SBF2: variants seen among roughly 807,000 people sequenced by gnomAD.
SBF2 encodes the protein SET binding factor 2.
SBF2 carries 112 observed loss-of-function variants against 225.2 expected under a neutral mutation model. The observed-to-expected ratio is 0.50, with a 90% confidence interval of 0.43 to 0.58. The LOEUF is 0.58. Ranked by LOEUF, SBF2 falls within the 20% of genes least tolerant of loss-of-function variation. The pLI is 0.00. For synonymous variants in SBF2, 763 were observed against 773.3 expected (o/e 0.99, Z 0.22); for missense variants, 1,996 against 2,206.2 (o/e 0.90, Z 1.91).
At chr11:9,981,340 C>T (rs1324627589) in intron 13 of SBF2, among the ~76,000 whole-genome samples, 1 of 152,050 alleles carries the variant, frequency 6.6e-6, no homozygotes, top group African/African-American at 2.4e-5. Context: ...TGAAAAGTGA[C>T]TACTGGGTAC....
chr11:9,948,308 G>C (rs1381266965), intron 16 of SBF2, among the ~76,000 whole-genome samples: 1 of 151,930 alleles, frequency 6.6e-6, no homozygotes, highest in Non-Finnish European at 1.5e-5. Flanking sequence ...GTTTCAGTTT[G>C]GGAAGATGGA....
At chr11:10,176,801 A>T (rs1479852380) in intron 2 of SBF2, among the ~76,000 whole-genome samples, 1 of 152,212 alleles carries the variant, frequency 6.6e-6, no homozygotes, top group Non-Finnish European at 1.5e-5. Context: ...AAACTATTCC[A>T]ATCAATAGAA....
chr11:9,993,924 C>T lies in SBF2; in HGVS notation c.1050G>A (p.Met350Ile), dbSNP rs1947549366. The change falls in exon 10 of 40, where the codon ATG becomes ATA. Residue 350 changes from methionine (M) to isoleucine (I), a missense_variant. Met to Ile is a conservative substitution (Grantham distance 10). Transcript: ENST00000256190. ...PPRTALSHSK[M>I]LDKEVRAVFL... ...ATTTAAATATTAAACTTCTTACCAG[C>T]ATTTTTGAGTGGGATAAAGCTGTTC... 2 of 1,360,396 alleles carry T rather than the reference C, an allele frequency of 1.5e-6. No homozygotes were observed. Among genetic ancestry groups the T allele is most frequent in the Non-Finnish European group, 2.1e-6 (2 of 948,756 alleles). The allele number at this position is 1,360,396 out of a possible 1,614,324, so 84.3% of individuals were successfully genotyped here.
chr11:10,139,347 G>A (rs144214498), intron 2 of SBF2, among the ~76,000 whole-genome samples: 13 of 152,158 alleles, frequency 8.5e-5, no homozygotes, highest in South Asian at 6.2e-4. Flanking sequence ...TTAGATCACC[G>A]CCATCCAAAA....
chr11:9,839,260 A>G (rs868431453), intron 26 of SBF2: 16 of 521,274 alleles, frequency 3.1e-5, no homozygotes, highest in Middle Eastern at 5.2e-4. Flanking sequence ...GAGAAAGACA[A>G]GAGAAATTCA....
intron 39 of SBF2, 96 bp from the exon 40 acceptor site, chr11:9,780,612 C>CT (rs1163278356): frequency 3.7e-5 from 34 of 926,090 alleles, no homozygotes; most frequent in Non-Finnish European, 8.8e-6. Flanking sequence ...CTTTCTTTTC[C>CT]ATACTGCCCC....
At position 10,094,528 on chromosome 11, in the gene SBF2, ATTTT is replaced by A. The variant is rs60485793; in HGVS notation, c.142-51551_142-51548del. ...TTTTCCCTACTACAAATACACACAGATTTTTTTTTTTTTTTTTTGAGACAGAGTT... is the reference window on the plus strand; with the variant it reads ...TTTTCCCTACTACAAATACACACAGATTTTTTTTTTTTTTGAGACAGAGTT... On this transcript the variant is annotated intron_variant, in intron 2 of 39. Transcript: ENST00000256190. 6.5e-5 allele frequency among the ~76,000 whole-genome samples: 7 copies of A among 107,300 alleles called. 1 individual carries two copies. Among genetic ancestry groups the A allele is most frequent in the African/African-American group, 2.3e-4 (7 of 30,292 alleles). The allele number at this position is 107,300 out of a possible 152,430, so 70.4% of individuals were successfully genotyped here.
In SBF2 at chr11:9,842,748, T is replaced by C. The variant is rs769055792; in HGVS notation, c.3133A>G (p.Lys1045Glu). Residue 1045 changes from lysine to glutamate, a missense_variant, in exon 25 of 40, where the codon AAA becomes GAA. Lys to Glu is a moderately conservative substitution (Grantham distance 56). Transcript: ENST00000256190. ...ATTTTCCCTGCCCTTTTGGCACCTT[T>C]CACAATTGTTTTTGAGAAGGTACTA... ...SFRTFSKTIV[K>E]GAKRAGKMTI... 2 of 1,614,154 alleles carry C rather than the reference T, an allele frequency of 1.2e-6. No homozygotes were observed. Among genetic ancestry groups the C allele is most frequent in the Non-Finnish European group, 8.5e-7 (1 of 1,180,014 alleles).
In SBF2 at chr11:9,812,576, C is replaced by G. The variant is rs149501654; in HGVS notation, c.4111G>C (p.Val1371Leu). Residue 1371 changes from valine (V) to leucine (L), a missense_variant, in exon 30 of 40, where the codon GTG (valine) becomes CTG (leucine). Physicochemically the swap from Val to Leu is conservative, Grantham distance 32. Coordinates refer to ENST00000256190, the MANE Select transcript of SBF2 (RefSeq NM_030962.4). ...IPSTIPTDSE[V>L]TFLKALGDSE... ...TCTCCCAGCGCTTTCAGGAAGGTCA[C>G]TTCTGAGTCAGTAGGGATGGTGCTT... 1.2e-4 allele frequency: 196 copies of G among 1,614,220 alleles called. 1 individual carries two copies. The African/African-American group carries it at 2.3e-3, about 19-fold the overall frequency.
intron 16 of SBF2, among the ~76,000 whole-genome samples, chr11:9,945,165 C>T (rs555413379): frequency 3.3e-5 from 5 of 152,058 alleles, no homozygotes; most frequent in South Asian, 2.1e-4. Flanking sequence ...CAAACAAAGC[C>T]GGAGGCATCA....
chr11:9,944,290 AAG>A (rs1865444162), intron 16 of SBF2, among the ~76,000 whole-genome samples: 1 of 152,212 alleles, frequency 6.6e-6, no homozygotes, highest in Admixed American at 6.5e-5. Context: ...TATAGCTCTG[AAG>A]GACTTCAATG....
intron 2 of SBF2, among the ~76,000 whole-genome samples, chr11:10,067,909 G>T (rs1333218417): frequency 6.6e-6 from 1 of 151,998 alleles, no homozygotes; most frequent in Non-Finnish European, 1.5e-5. Context: ...AAAAAGAAAT[G>T]CAAACAGACA....
chr11:9,994,793 T>G (rs557098342), intron 9 of SBF2, among the ~76,000 whole-genome samples: 229 of 152,118 alleles, frequency 1.5e-3, no homozygotes, highest in African/African-American at 5.2e-3. Flanking sequence ...TCCCAACACT[T>G]TGGGAGGGCA....
intron 2 of SBF2, among the ~76,000 whole-genome samples, chr11:10,077,673 C>T (rs531782668): frequency 6.6e-6 from 1 of 152,162 alleles, no homozygotes; most frequent in Non-Finnish European, 1.5e-5. Context: ...AGACATAAAA[C>T]CATTAAAAAT....
chr11:10,266,501 A>T (rs1962008231), intron 1 of SBF2, among the ~76,000 whole-genome samples: 1 of 152,216 alleles, frequency 6.6e-6, no homozygotes, highest in Admixed American at 6.5e-5. Context: ...CATTCTGAGT[A>T]TGAAGTTGAA....
chr11:9,952,557 C>G (rs12279495), intron 16 of SBF2, among the ~76,000 whole-genome samples: 2,565 of 152,304 alleles, frequency 0.017, 54 homozygotes, highest in African/African-American at 0.05. Context: ...GATCACTCAT[C>G]TATCAGCTTT....
At chr11:10,111,353 C>A (rs964789247) in intron 2 of SBF2, among the ~76,000 whole-genome samples, 3 of 152,044 alleles carry the variant, frequency 2.0e-5, no homozygotes, top group Non-Finnish European at 2.9e-5. Flanking sequence ...GAAATAAATG[C>A]GAAGTAGTCG....
Position 9,832,220 on chromosome 11 carries a change from T to C in SBF2, c.3652+4A>G. 6.2e-7 allele frequency: 1 copy of C among 1,613,270 alleles called. No individual in the cohort carries two copies. The highest frequency in any genetic ancestry group is 8.5e-7 in the Non-Finnish European group (1 of 1,179,200). Reference sequence around the variant, plus strand: ...TGGTAATTGTGTTATAGAGAGATGCTTACCGGCCTGAGGGGAGTTCTGAGA... The same window carrying C: ...TGGTAATTGTGTTATAGAGAGATGCCTACCGGCCTGAGGGGAGTTCTGAGA... On this transcript the variant is annotated splice_donor_region_variant and intron_variant, in intron 27 of 39. Coordinates refer to ENST00000256190, the MANE Select transcript of SBF2 (RefSeq NM_030962.4).
At position 9,943,994 on chromosome 11, in the gene SBF2, C is replaced by T. The variant is rs546602221; in HGVS notation, c.1860+17963G>A. Among the ~76,000 whole-genome samples, 8 of 152,212 alleles carry T rather than the reference C, an allele frequency of 5.3e-5. No homozygotes were observed. In the East Asian group the frequency reaches 1.5e-3, roughly 29 times the overall value. ...TTCATTGCCAGGGCAATGAAATATC[C>T]TTCAATAGCAGAATGGGCTTAAACA... On this transcript the variant is annotated intron_variant, in intron 16 of 39. Coordinates refer to ENST00000256190, the MANE Select transcript of SBF2 (RefSeq NM_030962.4).
Sources: gnomAD v4.1 joint callset for allele counts (sites outside exome capture counted in the v4.1 genomes callset) on GRCh38, gnomAD v4.1.1 for gene constraint, MANE v1.5 for transcripts, NCBI Gene and HGNC (gene_info 2026-07-23, HGNC 2026-07-21) for gene names.